Variants in GRIN2A observed in about 807,000 individuals in gnomAD.
GRIN2A encodes glutamate ionotropic receptor NMDA type subunit 2A.
Under a neutral mutation model 113.4 loss-of-function variants are expected in GRIN2A, and 22 were observed. The observed-to-expected ratio is 0.19, with a 90% CI of 0.14 to 0.28. The LOEUF is 0.28. Ranked by LOEUF, GRIN2A falls within the 10% of genes least tolerant of loss-of-function variation. The pLI is 1.00. For missense variants in GRIN2A, 1,502 were observed against 1,887.0 expected, an observed-to-expected ratio of 0.80 and a Z score of 3.78; for synonymous variants, 827 against 738.4, an observed-to-expected ratio of 1.12 and a Z score of -1.94.
chr16:9,970,831 G>C, intron 2 of GRIN2A: 1 of 342,806 alleles, frequency 2.9e-6, no homozygotes, highest in Non-Finnish European at 4.1e-6. Context: ...ACGCAGACTG[G>C]TTGGTGAGAC....
intron 2 of GRIN2A, chr16:10,112,068 C>T (rs1037721119): frequency 9.8e-6 from 6 of 611,134 alleles, no homozygotes; most frequent in African/African-American, 3.7e-5. Flanking sequence ...GAAGAAGAAT[C>T]GAGACTACAT....
intron 3 of GRIN2A, among the ~76,000 whole-genome samples, chr16:9,927,404 GT>G (rs1596601274): frequency 6.6e-6 from 1 of 152,152 alleles, no homozygotes; most frequent in Non-Finnish European, 1.5e-5. Flanking sequence ...CTTCCCAGGT[GT>G]TACCAGCAAA....
At chr16:9,988,284 C>A (rs72774035) in intron 2 of GRIN2A, among the ~76,000 whole-genome samples, 1 of 146,840 alleles carries the variant, frequency 6.8e-6, no homozygotes, top group South Asian at 2.2e-4. Flanking sequence ...TGTGTGTGTG[C>A]GTGTGTGTGT....
chr16:10,129,302 C>G (rs1382494139), intron 2 of GRIN2A, among the ~76,000 whole-genome samples: 1 of 152,066 alleles, frequency 6.6e-6, no homozygotes, highest in African/African-American at 2.4e-5. Flanking sequence ...GGTGATAACT[C>G]TCTTAAGATA....
At chr16:10,029,490 C>G (rs977077148) in intron 2 of GRIN2A, among the ~76,000 whole-genome samples, 4 of 151,906 alleles carry the variant, frequency 2.6e-5, no homozygotes, top group Non-Finnish European at 2.9e-5. Flanking sequence ...GCTGCAGTCA[C>G]GTAGACTCAA....
intron 2 of GRIN2A, among the ~76,000 whole-genome samples, chr16:10,143,975 T>A (rs887312338): frequency 1.6e-4 from 24 of 150,728 alleles, no homozygotes; most frequent in African/African-American, 2.2e-4. Flanking sequence ...CAAAAAAAAA[T>A]TTTTTTTTTA....
At chr16:10,151,127 C>T (rs2049559705) in intron 2 of GRIN2A, among the ~76,000 whole-genome samples, 1 of 152,224 alleles carries the variant, frequency 6.6e-6, no homozygotes, top group Admixed American at 6.5e-5. Context: ...GGAATGCTCA[C>T]TCTTCCTGTC....
chr16:10,018,829 C>G (rs558092828), intron 2 of GRIN2A, among the ~76,000 whole-genome samples: 1 of 152,244 alleles, frequency 6.6e-6, no homozygotes, highest in East Asian at 1.9e-4. Context: ...TTGCAGACAC[C>G]TTGGAAATCC....
At chr16:9,836,863 G>A (rs1451162826) in intron 7 of GRIN2A, among the ~76,000 whole-genome samples, 1 of 152,152 alleles carries the variant, frequency 6.6e-6, no homozygotes, top group African/African-American at 2.4e-5. Context: ...AACTGCAATC[G>A]AGGAGATACC....
At chr16:10,173,592 A>G (rs1418902027) in intron 2 of GRIN2A, among the ~76,000 whole-genome samples, 2 of 152,244 alleles carry the variant, frequency 1.3e-5, no homozygotes, top group Admixed American at 6.5e-5. Context: ...CATCGGAGCC[A>G]ATGACTAGAT....
chr16:9,970,274 A>G (rs2045645046), intron 2 of GRIN2A, among the ~76,000 whole-genome samples: 2 of 152,326 alleles, frequency 1.3e-5, no homozygotes, highest in African/African-American at 2.4e-5. Flanking sequence ...GTCCAAAGCA[A>G]CAAGTCTTTA....
At chr16:9,932,839 G>A (rs547328669) in intron 3 of GRIN2A, among the ~76,000 whole-genome samples, 33 of 152,234 alleles carry the variant, frequency 2.2e-4, no homozygotes, top group African/African-American at 7.0e-4. Flanking sequence ...CCCAAGGTCC[G>A]AAGTCTAAAA....
intron 2 of GRIN2A, among the ~76,000 whole-genome samples, chr16:10,116,388 G>A (rs1444918307): frequency 1.3e-5 from 2 of 152,202 alleles, no homozygotes; most frequent in South Asian, 2.1e-4. Context: ...GATAGGTTGA[G>A]AGGTGCAGCA....
Position 9,813,690 on chromosome 16 carries a change from A to AC in GRIN2A, c.2168+8573dup, listed in dbSNP as rs538811645. The stretch of plus-strand genomic sequence containing the variant: ...ACCAGGAAATAATTCCAAGAACCCC[A>AC]CCCCCCCGCAAAAAAAAAAAAGATG... On this transcript the variant is annotated intron_variant, in intron 10 of 12. Coordinates refer to ENST00000330684, the MANE Select transcript of GRIN2A (RefSeq NM_001134407.3). 4.1e-4 allele frequency among the ~76,000 whole-genome samples: 56 copies of AC among 135,838 alleles called. No homozygotes were observed. The South Asian group carries it at 5.0e-3, about 12-fold the overall frequency. 89.1% of individuals were successfully genotyped at this position (135,838 alleles called of 152,430 possible). A position where few individuals can be genotyped will look rare whatever the true frequency, so the allele number is the denominator to read the frequency against.
intron 4 of GRIN2A, among the ~76,000 whole-genome samples, chr16:9,880,539 A>C (rs1290078190): frequency 2.0e-5 from 3 of 152,216 alleles, no homozygotes; most frequent in African/African-American, 7.2e-5. Flanking sequence ...CCTTTCTGCC[A>C]TGTGGCCTAA....
At chr16:9,848,236 G>C (rs1379303322) in intron 5 of GRIN2A, among the ~76,000 whole-genome samples, 1 of 150,140 alleles carries the variant, frequency 6.7e-6, no homozygotes, top group Non-Finnish European at 1.5e-5. Flanking sequence ...TTATTTTTGA[G>C]TCAGAGTCTC....
chr16:10,048,028 G>C (rs571125083), intron 2 of GRIN2A, among the ~76,000 whole-genome samples: 2 of 152,224 alleles, frequency 1.3e-5, no homozygotes, highest in South Asian at 4.2e-4. Flanking sequence ...ATCACAATCT[G>C]TTTCTGAGGG....
intron 2 of GRIN2A, among the ~76,000 whole-genome samples, chr16:10,110,947 G>A (rs1256838831): frequency 6.6e-6 from 1 of 152,172 alleles, no homozygotes; most frequent in African/African-American, 2.4e-5. Flanking sequence ...CTGCTATTCA[G>A]GGATGTATGT....
chr16:10,148,540 G>C (rs2049494123), intron 2 of GRIN2A, among the ~76,000 whole-genome samples: 1 of 152,166 alleles, frequency 6.6e-6, no homozygotes, highest in African/African-American at 2.4e-5. Flanking sequence ...TTTGATATCT[G>C]CTTCCACTTG....
Sources: gnomAD v4.1 joint callset for allele counts (sites outside exome capture counted in the v4.1 genomes callset) on GRCh38, gnomAD v4.1.1 for gene constraint, MANE v1.5 for transcripts, NCBI Gene and HGNC (gene_info 2026-07-23, HGNC 2026-07-21) for gene names.